The following FRAS1 variants were observed in gnomAD, a reference collection of about 807,000 sequenced individuals.
The protein encoded by FRAS1 is extracellular matrix organizing protein FRAS1.
Under a neutral mutation model 435.2 loss-of-function variants are expected in FRAS1, and 290 were observed. The ratio of observed to expected loss-of-function variants is 0.67; its 90% CI spans 0.61 to 0.73. The LOEUF (loss-of-function observed/expected upper bound fraction) is 0.73. Ranked by LOEUF, FRAS1 falls within the 30% of genes least tolerant of loss-of-function variation. The pLI, the probability that FRAS1 is intolerant of heterozygous loss-of-function variation, is 0.00. For synonymous variants in FRAS1, 1,800 were observed against 1,851.0 expected (o/e 0.97, Z 0.71); for missense variants, 4,860 against 5,001.5 (o/e 0.97, Z 0.85).
At chr4:78,253,902 A>G (rs1448849273) in intron 5 of FRAS1, among the ~76,000 whole-genome samples, 2 of 152,146 alleles carry the variant, frequency 1.3e-5, no homozygotes, top group Non-Finnish European at 2.9e-5. Context: ...TAGTATCATC[A>G]ACACTATTTC....
intron 33 of FRAS1, among the ~76,000 whole-genome samples, 188 bp downstream of exon 33, chr4:78,419,251 T>C (rs1206077047): frequency 6.6e-6 from 1 of 152,192 alleles, no homozygotes; most frequent in Non-Finnish European, 1.5e-5. Context: ...AGAAAAAGAC[T>C]ATGGTCAGAA....
At chr4:78,074,234 C>T (rs956934003) in intron 2 of FRAS1, among the ~76,000 whole-genome samples, 2 of 152,102 alleles carry the variant, frequency 1.3e-5, no homozygotes, top group Admixed American at 1.3e-4. Context: ...ACCTTCCATT[C>T]TTGAAATGGT....
At chr4:78,400,983 T>C in intron 30 of FRAS1, 96 bp downstream of exon 30, 1 of 1,114,580 alleles carries the variant, frequency 9.0e-7, no homozygotes, top group Non-Finnish European at 1.3e-6. Flanking sequence ...GCAATTCCAA[T>C]GAACTGAGCT....
intron 32 of FRAS1, among the ~76,000 whole-genome samples, chr4:78,416,774 G>A (rs1733572379): frequency 1.3e-5 from 2 of 152,160 alleles, no homozygotes; most frequent in South Asian, 2.1e-4. Context: ...GAGGCCTCAT[G>A]TCCTTGTGAA....
intron 15 of FRAS1, among the ~76,000 whole-genome samples, chr4:78,312,859 A>AGAGAGAG (rs1553943110): frequency 0.01 from 1,269 of 121,682 alleles, 21 homozygotes; most frequent in African/African-American, 0.04. Context: ...GAAAGAAAGA[A>AGAGAGAG]AGAGAGAGAG....
In FRAS1 at chr4:78,075,279, C is replaced by G. The variant is rs965457249; in HGVS notation, c.108+9263C>G. Among the ~76,000 whole-genome samples the G allele has an allele frequency of 4.6e-5, 7 of 152,208 alleles. No individual in the cohort carries two copies. In the South Asian group the frequency reaches 6.2e-4, roughly 14 times the overall value. ...TGGAGGTGCTGCAACCATTAGAATA[C>G]CTAGCTGACACACAGAAGTTGATAG... On this transcript the variant is annotated intron_variant, in intron 2 of 73. Transcript: ENST00000512123.
chr4:78,282,596 G>A (rs1307771613), intron 11 of FRAS1, among the ~76,000 whole-genome samples: 1 of 101,418 alleles, frequency 9.9e-6, no homozygotes, highest in African/African-American at 3.5e-5. Flanking sequence ...CTTTCGGCTG[G>A]TTCTCTACAT....
At chr4:78,161,440 C>T (rs1005500454) in intron 2 of FRAS1, among the ~76,000 whole-genome samples, 9 of 151,848 alleles carry the variant, frequency 5.9e-5, no homozygotes, top group African/African-American at 1.9e-4. Context: ...TTTTCTCACT[C>T]GTGATGTGGG....
intron 71 of FRAS1, 99 bp downstream of exon 71, chr4:78,534,714 C>A: frequency 9.0e-7 from 1 of 1,110,688 alleles, no homozygotes; most frequent in Non-Finnish European, 1.3e-6. Context: ...TGCTCTCAGT[C>A]ACCACCCCAG....
chr4:78,510,102 G>A (rs559684822), intron 63 of FRAS1, among the ~76,000 whole-genome samples: 1 of 152,168 alleles, frequency 6.6e-6, no homozygotes, highest in Non-Finnish European at 1.5e-5. Context: ...AATTTAAATA[G>A]TCTTCTCTAT....
At chr4:78,359,369 A>T (rs951847262) in intron 20 of FRAS1, among the ~76,000 whole-genome samples, 3 of 152,084 alleles carry the variant, frequency 2.0e-5, no homozygotes, top group Non-Finnish European at 2.9e-5. Context: ...GGAGATCGTT[A>T]CTCATTTTGA....
At chr4:78,419,831 G>A (rs776749741) in intron 33 of FRAS1, among the ~76,000 whole-genome samples, 4 of 152,136 alleles carry the variant, frequency 2.6e-5, no homozygotes, top group Non-Finnish European at 4.4e-5. Flanking sequence ...CATGGCCAGA[G>A]CAGGAGGAAA....
intron 20 of FRAS1, among the ~76,000 whole-genome samples, chr4:78,342,592 A>T (rs1255751523): frequency 1.3e-5 from 2 of 151,936 alleles, no homozygotes. Flanking sequence ...TTAACAGAAA[A>T]CTCCAAAGCC....
At chr4:78,338,403 T>A (rs149573536) in intron 20 of FRAS1, among the ~76,000 whole-genome samples, 1 of 152,286 alleles carries the variant, frequency 6.6e-6, no homozygotes, top group African/African-American at 2.4e-5. Flanking sequence ...ATGTGCATTT[T>A]TGAGTGCCTA....
At chr4:78,273,059 T>A (rs1337202512) in intron 9 of FRAS1, among the ~76,000 whole-genome samples, 1 of 152,220 alleles carries the variant, frequency 6.6e-6, no homozygotes, top group Non-Finnish European at 1.5e-5. Flanking sequence ...CTAGGTATTT[T>A]ATTCTCTTTG....
intron 2 of FRAS1, among the ~76,000 whole-genome samples, chr4:78,196,692 G>A (rs1404267903): frequency 6.6e-6 from 1 of 151,956 alleles, no homozygotes; most frequent in Non-Finnish European, 1.5e-5. Flanking sequence ...TAGTGATTGA[G>A]TATTGTTTTC....
intron 31 of FRAS1, among the ~76,000 whole-genome samples, chr4:78,408,229 C>A (rs1733181523): frequency 6.6e-6 from 1 of 151,550 alleles, no homozygotes; most frequent in Admixed American, 6.6e-5. Flanking sequence ...TTGTTGTCTC[C>A]CACCGGGTCC....
At chr4:78,499,968 GC>G in intron 61 of FRAS1, 47 bp downstream of exon 61, 2 of 1,361,410 alleles carry the variant, frequency 1.5e-6, no homozygotes, top group Non-Finnish European at 9.7e-7. Context: ...TAATAGAGGG[GC>G]AAAAATCTTG....
Position 78,369,955 on chromosome 4 carries a change from A to G in FRAS1, c.2840A>G (p.Tyr947Cys). Reference sequence around the variant, plus strand: ...TACGAGAGCTGCGCCCCACAGTACTATCTTGACTTCTCCACCAACACGTGC... The same window carrying G: ...TACGAGAGCTGCGCCCCACAGTACTGTCTTGACTTCTCCACCAACACGTGC... ...CQYESCAPQY[Y>C]LDFSTNTCKE... Residue 947 changes from tyrosine to cysteine, a missense_variant, in exon 23 of 74, where the codon TAT becomes TGT. Transcript: ENST00000512123. 6.2e-7 allele frequency: 1 copy of G among 1,613,566 alleles called. No homozygotes were observed. Among genetic ancestry groups the G allele is most frequent in the Non-Finnish European group, 8.5e-7 (1 of 1,179,620 alleles).
Sources: gnomAD v4.1 joint callset for allele counts (sites outside exome capture counted in the v4.1 genomes callset) on GRCh38, gnomAD v4.1.1 for gene constraint, MANE v1.5 for transcripts, NCBI Gene and HGNC (gene_info 2026-07-23, HGNC 2026-07-21) for gene names.